The following LIMCH1 variants were observed in gnomAD, a reference collection of about 807,000 sequenced individuals.
The protein encoded by LIMCH1 is LIM and calponin homology domains-containing protein 1.
LIMCH1 carries 113 observed loss-of-function variants against 176.5 expected under a neutral mutation model. The ratio of observed to expected loss-of-function variants is 0.64; its 90% CI spans 0.55 to 0.75. LIMCH1 has a LOEUF of 0.75. Ranked by LOEUF, LIMCH1 falls within the 30% of genes least tolerant of loss-of-function variation. The pLI is 0.00. For missense variants in LIMCH1, 1,674 were observed against 1,814.9 expected (o/e 0.92, Z 1.41); for synonymous variants, 619 against 645.9 (o/e 0.96, Z 0.63).
At chr4:41,684,559 G>T in intron 27 of LIMCH1, 41 bp downstream of exon 27, 8 of 1,606,208 alleles carry the variant, frequency 5.0e-6, no homozygotes, top group Non-Finnish European at 6.8e-6. Flanking sequence ...TGTTTAAATT[G>T]TTGTAAGACC....
intron 1 of LIMCH1, among the ~76,000 whole-genome samples, chr4:41,595,289 A>G (rs898238466): frequency 5.9e-5 from 9 of 152,198 alleles, no homozygotes; most frequent in African/African-American, 1.7e-4. Flanking sequence ...AGACAAGAAG[A>G]AAGAGAACTA....
chr4:41,535,013 T>C (rs1245797983), upstream of LIMCH1, among the ~76,000 whole-genome samples: 6 of 151,368 alleles, frequency 4.0e-5, no homozygotes, highest in Admixed American at 3.3e-4. Context: ...ATACAAAAAA[T>C]TAGCCAGGCA....
chr4:41,398,357 G>A (rs1330499967), intron 1 of LIMCH1, among the ~76,000 whole-genome samples: 2 of 152,030 alleles, frequency 1.3e-5, no homozygotes, highest in Non-Finnish European at 2.9e-5. Flanking sequence ...GGGTTTTAAG[G>A]TGGCCAGACT....
intron 1 of LIMCH1, among the ~76,000 whole-genome samples, chr4:41,582,744 TA>T: frequency 6.6e-6 from 1 of 152,330 alleles, no homozygotes; most frequent in Non-Finnish European, 1.5e-5. Flanking sequence ...GTCTTACACA[TA>T]GAATGCCCTC....
intron 1 of LIMCH1, among the ~76,000 whole-genome samples, chr4:41,432,475 G>A (rs1001474090): frequency 2.6e-5 from 4 of 152,168 alleles, no homozygotes; most frequent in Non-Finnish European, 5.9e-5. Flanking sequence ...TAAGGGTAAA[G>A]ATAGAAGCTA....
At chr4:41,485,634 C>T (rs1413930207) in intron 1 of LIMCH1, among the ~76,000 whole-genome samples, 1 of 152,134 alleles carries the variant, frequency 6.6e-6, no homozygotes, top group Admixed American at 6.5e-5. Flanking sequence ...CGTGCATGCC[C>T]ATTAGTTTGT....
In LIMCH1 at chr4:41,644,394, G is replaced by A. The variant is rs113025161; in HGVS notation, c.2127-106G>A. ...CTGTGCGCAGCCCGGGAAGGGGGCA[G>A]TTTTCCAAGCCCGGTAGCGCCCCCA... On this transcript the variant is annotated intron_variant, in intron 14 of 31. Coordinates refer to ENST00000503057, the MANE Select transcript of LIMCH1 (RefSeq NM_001330672.2). 611 of 1,368,100 alleles carry A rather than the reference G, an allele frequency of 4.5e-4. 3 individuals are homozygous for A. In the African/African-American group the frequency reaches 7.9e-3, roughly 18 times the overall value. 84.7% of individuals were successfully genotyped at this position (1,368,100 alleles called of 1,614,324 possible).
At chr4:41,576,148 G>A (rs1016087378) in intron 1 of LIMCH1, among the ~76,000 whole-genome samples, 3 of 152,166 alleles carry the variant, frequency 2.0e-5, no homozygotes, top group Non-Finnish European at 2.9e-5. Context: ...CATATTTCTT[G>A]TGAGGTTTAT....
chr4:41,644,097 C>G (rs771288454), intron 14 of LIMCH1, among the ~76,000 whole-genome samples: 3 of 152,162 alleles, frequency 2.0e-5, no homozygotes, highest in Non-Finnish European at 4.4e-5. Context: ...CCTCTTTCCC[C>G]ACAAATTCTA....
intron 1 of LIMCH1, chr4:41,494,500 A>G (rs372531440): frequency 6.0e-4 from 923 of 1,550,576 alleles, no homozygotes; most frequent in Non-Finnish European, 7.8e-4. Context: ...TTAAAAAAGA[A>G]AAACTTATGT....
rs537946389 is a variant in LIMCH1, at chr4:41,678,043, G to A, written c.3519+1581G>A. On this transcript the variant is annotated intron_variant, in intron 23 of 31. Coordinates refer to ENST00000503057, the MANE Select transcript of LIMCH1 (RefSeq NM_001330672.2). Reference sequence around the variant, plus strand: ...GGTGGTTTGCTGCACCCACCAACCCGTCACCTACATTAGGTATTTCTCCTA... The same window carrying A: ...GGTGGTTTGCTGCACCCACCAACCCATCACCTACATTAGGTATTTCTCCTA... Among the ~76,000 whole-genome samples the A allele has an allele frequency of 6.6e-5, 10 of 151,968 alleles. No individual in the cohort carries two copies. The South Asian group carries it at 1.5e-3, about 22-fold the overall frequency.
intron 1 of LIMCH1, among the ~76,000 whole-genome samples, chr4:41,576,810 TA>T (rs375117814): frequency 3.5e-4 from 53 of 151,104 alleles, no homozygotes; most frequent in Middle Eastern, 6.8e-3. Flanking sequence ...TTTGACTAAT[TA>T]AAAAAAAAGC....
At chr4:41,470,102 C>T (rs1272364563) in intron 1 of LIMCH1, among the ~76,000 whole-genome samples, 2 of 152,200 alleles carry the variant, frequency 1.3e-5, no homozygotes, top group Admixed American at 1.3e-4. Context: ...AGGAAAGGAA[C>T]ATCCAATGGG....
chr4:41,676,037 T>C lies in LIMCH1; in HGVS notation c.3439-345T>C, dbSNP rs143954556. Among the ~76,000 whole-genome samples the C allele has an allele frequency of 4.1e-3, 618 of 152,354 alleles. 2 individuals carry two copies. The highest frequency in any genetic ancestry group is 0.014 in the African/African-American group (572 of 41,580). On this transcript the variant is annotated intron_variant, in intron 22 of 31. Coordinates refer to ENST00000503057, the MANE Select transcript of LIMCH1 (RefSeq NM_001330672.2). ...CTCGTTTGCTTGGACCCAGGATCAA[T>C]ATGCAGAATGAGCACCTTAGGTTCA...
At chr4:41,469,675 T>C (rs2066661892) in intron 1 of LIMCH1, among the ~76,000 whole-genome samples, 1 of 151,446 alleles carries the variant, frequency 6.6e-6, no homozygotes, top group South Asian at 2.1e-4. Context: ...GATTTATTTA[T>C]TTATTTATTT....
intron 1 of LIMCH1, among the ~76,000 whole-genome samples, chr4:41,485,451 C>A (rs1048671896): frequency 1.3e-5 from 2 of 152,144 alleles, no homozygotes; most frequent in Non-Finnish European, 2.9e-5. Context: ...GTGAATTAAT[C>A]CTAAAGCACA....
At chr4:41,499,795 C>T (rs1395556761) in intron 2 of LIMCH1, among the ~76,000 whole-genome samples, 1 of 151,724 alleles carries the variant, frequency 6.6e-6, no homozygotes, top group African/African-American at 2.4e-5. Context: ...TCTAGCCTGG[C>T]AACAGAACAA....
At chr4:41,513,066 A>G (rs1375917144) in intron 2 of LIMCH1, among the ~76,000 whole-genome samples, 2 of 152,350 alleles carry the variant, frequency 1.3e-5, no homozygotes, top group South Asian at 2.1e-4. Context: ...ATTTTAGAAC[A>G]TCATTGAAGA....
At chr4:41,485,624 C>T (rs1020787289) in intron 1 of LIMCH1, among the ~76,000 whole-genome samples, 5 of 152,196 alleles carry the variant, frequency 3.3e-5, no homozygotes, top group African/African-American at 7.2e-5. Context: ...AGTTTTTGTC[C>T]GTGCATGCCC....
Sources: gnomAD v4.1 joint callset for allele counts (sites outside exome capture counted in the v4.1 genomes callset) on GRCh38, gnomAD v4.1.1 for gene constraint, MANE v1.5 for transcripts, NCBI Gene and HGNC (gene_info 2026-07-23, HGNC 2026-07-21) for gene names.